The following NMBR variants were observed in gnomAD, a reference collection of about 807,000 sequenced individuals.
NMBR encodes the protein neuromedin-B receptor.
NMBR carries 16 observed loss-of-function variants against 20.5 expected under a neutral mutation model. That is an observed-to-expected ratio of 0.78 (90% CI 0.53 to 1.19). The LOEUF (loss-of-function observed/expected upper bound fraction) is 1.19, where lower values mean the gene tolerates loss of function less well. Among genes scored for constraint, NMBR ranks in the 50% most tolerant of loss-of-function variants. NMBR has a pLI of 0.00. For synonymous variants in NMBR, 212 were observed against 196.6 expected (o/e 1.08, Z -0.65); for missense variants, 582 against 499.1 (o/e 1.17, Z -1.58).
intron 1 of NMBR, among the ~76,000 whole-genome samples, chr6:142,126,946 G>C (rs1206990243): frequency 6.6e-6 from 1 of 151,326 alleles, no homozygotes; most frequent in Non-Finnish European, 1.5e-5. Flanking sequence ...TTGTGTGTGT[G>C]TGGTTTTTGT....
Position 142,088,758 on chromosome 6 carries a change from G to C in NMBR, c.-100C>G. ...GGTTTAATCGATGTCCCTCCCTCTC[G>C]CCCCTGCAAGTTTACTGTCCGCGGG... is the stretch of plus-strand genomic sequence containing the variant. On this transcript the variant is annotated 5_prime_UTR_variant, in exon 2 of 4. Transcript: ENST00000258042. 2 of 1,081,302 alleles carry C rather than the reference G, an allele frequency of 1.8e-6. No homozygotes were observed. Among genetic ancestry groups the C allele is most frequent in the Admixed American group, 2.6e-5 (1 of 39,028 alleles). The allele number at this position is 1,081,302 out of a possible 1,614,324, so 67.0% of individuals were successfully genotyped here.
At chr6:142,097,467 A>T (rs1056766645) in intron 1 of NMBR, among the ~76,000 whole-genome samples, 3 of 152,124 alleles carry the variant, frequency 2.0e-5, no homozygotes, top group African/African-American at 7.2e-5. Flanking sequence ...TAACAAATCC[A>T]TCATAAATAA....
intron 1 of NMBR, chr6:142,134,527 T>C (rs1161003855): frequency 2.0e-6 from 1 of 500,806 alleles, no homozygotes; most frequent in Non-Finnish European, 3.5e-6. Context: ...TGACATACTT[T>C]AGGTGTTCTA....
At chr6:142,134,487 T>C (rs1778209661) in intron 1 of NMBR, 1 of 477,802 alleles carries the variant, frequency 2.1e-6, no homozygotes, top group African/African-American at 2.0e-5. Context: ...TTTAGTTACA[T>C]ATTGATTAAT....
intron 1 of NMBR, among the ~76,000 whole-genome samples, chr6:142,136,502 A>G (rs1778258771): frequency 1.3e-5 from 2 of 152,144 alleles, no homozygotes; most frequent in South Asian, 4.1e-4. Flanking sequence ...TAGTTTAATT[A>G]GATCCCATTT....
At chr6:142,094,596 C>G (rs989146508) in intron 1 of NMBR, among the ~76,000 whole-genome samples, 1 of 152,134 alleles carries the variant, frequency 6.6e-6, no homozygotes, top group African/African-American at 2.4e-5. Flanking sequence ...ATGCCTGCAG[C>G]TTTGTTCTTT....
intron 1 of NMBR, among the ~76,000 whole-genome samples, chr6:142,122,630 T>C (rs562699515): frequency 2.0e-5 from 3 of 152,036 alleles, no homozygotes; most frequent in Admixed American, 1.3e-4. Context: ...CTGACTCTTG[T>C]TAGGAGCTAA....
intron 3 of NMBR, among the ~76,000 whole-genome samples, chr6:142,076,542 C>T (rs1220515029): frequency 1.3e-5 from 2 of 152,154 alleles, no homozygotes; most frequent in East Asian, 1.9e-4. Context: ...AATTTAAACT[C>T]CTGACTTACA....
intron 3 of NMBR, among the ~76,000 whole-genome samples, chr6:142,076,717 G>A (rs1017835966): frequency 6.6e-5 from 10 of 152,128 alleles, no homozygotes; most frequent in African/African-American, 2.2e-4. Context: ...TCAAATATTG[G>A]ACATCAATAC....
At chr6:142,109,803 C>T (rs537983037) in intron 1 of NMBR, among the ~76,000 whole-genome samples, 1 of 152,030 alleles carries the variant, frequency 6.6e-6, no homozygotes, top group South Asian at 2.1e-4. Context: ...AGGGTAGAAA[C>T]CTTATGAATG....
intron 1 of NMBR, among the ~76,000 whole-genome samples, chr6:142,136,877 CA>C (rs1286862924): frequency 1.3e-5 from 2 of 152,122 alleles, no homozygotes; most frequent in Non-Finnish European, 2.9e-5. Flanking sequence ...GTACCAGTAC[CA>C]TGCTGTTTTG....
chr6:142,091,598 A>T (rs1199781987), intron 1 of NMBR, among the ~76,000 whole-genome samples: 2 of 152,212 alleles, frequency 1.3e-5, no homozygotes, highest in Admixed American at 6.5e-5. Context: ...CTTAATGTTT[A>T]TCAATATTCC....
chr6:142,130,243 T>C (rs1236138717), intron 1 of NMBR, among the ~76,000 whole-genome samples: 4 of 152,002 alleles, frequency 2.6e-5, no homozygotes, highest in Non-Finnish European at 5.9e-5. Flanking sequence ...CAAAGAGACC[T>C]AGAGATGAGT....
chr6:142,090,079 A>C (rs1000578767), intron 1 of NMBR, among the ~76,000 whole-genome samples: 2 of 152,150 alleles, frequency 1.3e-5, no homozygotes, highest in Admixed American at 1.3e-4. Context: ...ATATTCAATA[A>C]ACATCTGATA....
At chr6:142,116,782 G>T (rs1052328809) in intron 1 of NMBR, among the ~76,000 whole-genome samples, 5 of 151,708 alleles carry the variant, frequency 3.3e-5, no homozygotes, top group Non-Finnish European at 7.4e-5. Context: ...TGATTTATTG[G>T]TATAAATCAT....
chr6:142,096,006 T>C (rs1777443045), intron 1 of NMBR, among the ~76,000 whole-genome samples: 1 of 152,216 alleles, frequency 6.6e-6, no homozygotes, highest in Non-Finnish European at 1.5e-5. Flanking sequence ...ATATCCCCTT[T>C]ATCATTTTTT....
rs76666395 is a variant in NMBR, at chr6:142,107,125, G to A, written c.-663-17804C>T. Among the ~76,000 whole-genome samples the A allele has an allele frequency of 5.7e-4, 87 of 152,246 alleles. No individual in the cohort carries two copies. The East Asian group carries it at 0.016, about 29-fold the overall frequency. ...GTATTCTCTGCCTGAACTCAGCATG[G>A]ATAGATCTGAAAAAGAAGAAAGCCT... On this transcript the variant is annotated intron_variant, in intron 1 of 3. Coordinates refer to ENST00000258042, the MANE Select transcript of NMBR (RefSeq NM_002511.4).
intron 1 of NMBR, among the ~76,000 whole-genome samples, chr6:142,138,742 C>T (rs889731000): frequency 2.0e-5 from 3 of 152,134 alleles, no homozygotes; most frequent in African/African-American, 4.8e-5. Flanking sequence ...ATTATGGGTC[C>T]TATTTTTCCT....
chr6:142,110,321 A>C (rs1777739743), intron 1 of NMBR, among the ~76,000 whole-genome samples: 1 of 152,210 alleles, frequency 6.6e-6, no homozygotes, highest in African/African-American at 2.4e-5. Context: ...AACAACCCAA[A>C]AGTCCAATCA....
Sources: gnomAD v4.1 joint callset for allele counts (sites outside exome capture counted in the v4.1 genomes callset) on GRCh38, gnomAD v4.1.1 for gene constraint, MANE v1.5 for transcripts, NCBI Gene and HGNC (gene_info 2026-07-23, HGNC 2026-07-21) for gene names.